The following TUBA1C variants were observed in gnomAD, a reference collection of about 807,000 sequenced individuals.
TUBA1C encodes tubulin alpha 1c.
In TUBA1C, 16 loss-of-function variants were observed where a neutral mutation model predicts 34.9. That is an observed-to-expected ratio of 0.46 (90% confidence interval 0.31 to 0.70). TUBA1C has a LOEUF of 0.70. Ranked by LOEUF, TUBA1C falls within the 30% of genes least tolerant of loss-of-function variation. The probability of loss-of-function intolerance (pLI) is 0.05; values close to 1 mark genes in which losing one functional copy is unlikely to be tolerated. For synonymous variants in TUBA1C, 177 were observed against 215.9 expected (o/e 0.82, Z 1.58); for missense variants, 329 against 587.3 (o/e 0.56, Z 4.55).
intron 1 of TUBA1C, among the ~76,000 whole-genome samples, chr12:49,267,691 A>G (rs1265549379): frequency 6.6e-6 from 1 of 152,168 alleles, no homozygotes; most frequent in Non-Finnish European, 1.5e-5. Flanking sequence ...ATTAGAACAA[A>G]CTACTCCTGT....
intron 1 of TUBA1C, chr12:49,257,843 T>TAA (rs748253214): frequency 8.0e-5 from 14 of 174,480 alleles, no homozygotes; most frequent in Middle Eastern, 2.6e-3. Flanking sequence ...ACAAAAAGTT[T>TAA]AAAAAAAAAA....
chr12:49,264,268 T>C (rs1449497797), upstream of TUBA1C, among the ~76,000 whole-genome samples: 1 of 149,282 alleles, frequency 6.7e-6, no homozygotes, highest in Non-Finnish European at 1.5e-5. Flanking sequence ...AATCAAAAAA[T>C]GTAAGCTATT....
chr12:49,244,957 G>GA (rs904011402), intron 1 of TUBA1C, among the ~76,000 whole-genome samples: 11 of 151,392 alleles, frequency 7.3e-5, no homozygotes, highest in African/African-American at 1.9e-4. Flanking sequence ...CTATTTAACA[G>GA]AAAAAAAACA....
intron 1 of TUBA1C, among the ~76,000 whole-genome samples, chr12:49,240,834 G>A (rs147163276): frequency 6.6e-4 from 101 of 152,194 alleles, no homozygotes; most frequent in African/African-American, 2.4e-3. Context: ...GGGTTCAAGC[G>A]GTTCTCCCAC....
rs1421550237 is a variant in TUBA1C, at chr12:49,274,577, TTTAA to T, written c.*1352_*1355del. On this transcript the variant is annotated 3_prime_UTR_variant, in exon 4 of 4. Transcript: ENST00000301072. ...ACTGCCAGAACTATTGCTGTCAGTC[TTTAA>T]TAAAGTATTAGTCACACGAGAAGGG... is the stretch of plus-strand genomic sequence containing the variant. 1 of 152,150 alleles carries T rather than the reference TTTAA, an allele frequency of 6.6e-6. No individual in the cohort carries two copies. The highest frequency in any genetic ancestry group is 1.9e-4 in the East Asian group (1 of 5,194). The allele number at this position is 152,150 out of a possible 1,614,324, so 9.4% of individuals were successfully genotyped here.
In TUBA1C at chr12:49,272,467, A is replaced by G. The variant is rs1227881548; in HGVS notation, c.590A>G (p.His197Arg). 1 of 1,610,816 alleles carries G rather than the reference A, an allele frequency of 6.2e-7. No individual in the cohort carries two copies. Among genetic ancestry groups the G allele is most frequent in the African/African-American group, 1.3e-5 (1 of 74,516 alleles). Residue 197 changes from histidine (H) to arginine (R), a missense_variant, in exon 4 of 4, where the codon CAC becomes CGC. Transcript: ENST00000301072. Reference sequence around the variant, plus strand: ...CTCACCACCCACACCACCCTGGAGCACTCTGATTGTGCCTTCATGGTAGAC... The same window carrying G: ...CTCACCACCCACACCACCCTGGAGCGCTCTGATTGTGCCTTCATGGTAGAC... ...SILTTHTTLE[H>R]SDCAFMVDNE...
intron 1 of TUBA1C, among the ~76,000 whole-genome samples, chr12:49,240,296 GAAAAAA>G (rs201018194): frequency 2.4e-5 from 2 of 81,968 alleles, no homozygotes; most frequent in South Asian, 8.0e-4. Context: ...ACCATTCTCT[GAAAAAA>G]AAAAAAAAAA....
chr12:49,230,319 CT>C (rs1344832544), intron 1 of TUBA1C, among the ~76,000 whole-genome samples: 1 of 152,070 alleles, frequency 6.6e-6, no homozygotes, highest in Non-Finnish European at 1.5e-5. Flanking sequence ...AGCTTTCTGG[CT>C]GGCTGGAGTG....
chr12:49,243,814 T>G (rs1191620008), intron 1 of TUBA1C, among the ~76,000 whole-genome samples: 1 of 151,946 alleles, frequency 6.6e-6, no homozygotes, highest in Non-Finnish European at 1.5e-5. Context: ...ATTTGGTGGT[T>G]TAGAACCTGG....
chr12:49,244,625 A>G (rs779385894), intron 1 of TUBA1C, among the ~76,000 whole-genome samples: 1 of 151,836 alleles, frequency 6.6e-6, no homozygotes, highest in Non-Finnish European at 1.5e-5. Flanking sequence ...GTTCAATGGC[A>G]TGATCCCAGA....
chr12:49,264,714 G>C (rs1942877019), upstream of TUBA1C: 1 of 158,226 alleles, frequency 6.3e-6, no homozygotes, highest in Non-Finnish European at 1.4e-5. Context: ...CGGGGACGGG[G>C]CAGACGTCCG....
intron 1 of TUBA1C, among the ~76,000 whole-genome samples, chr12:49,250,940 C>T (rs188418750): frequency 1.3e-5 from 2 of 152,294 alleles, no homozygotes; most frequent in Admixed American, 1.3e-4. Context: ...GGCATGGTGG[C>T]TCACACCTGT....
intron 1 of TUBA1C, among the ~76,000 whole-genome samples, chr12:49,251,454 G>A (rs60375170): frequency 0.023 from 3,466 of 151,974 alleles, 103 homozygotes; most frequent in Admixed American, 0.062. Context: ...TACAAAAGTC[G>A]TCTGCAAACC....
chr12:49,255,405 A>AATAT (rs142218984), intron 1 of TUBA1C, among the ~76,000 whole-genome samples: 2,652 of 141,258 alleles, frequency 0.019, 29 homozygotes, highest in East Asian at 0.049. Flanking sequence ...ATCTTTAAAA[A>AATAT]ATATATATAT....
intron 1 of TUBA1C, chr12:49,256,516 G>A: frequency 2.3e-6 from 1 of 437,546 alleles, no homozygotes; most frequent in South Asian, 1.6e-5. Context: ...TACAAGGTCA[G>A]TGGGGACTGA....
chr12:49,236,622 A>G (rs573491256), intron 1 of TUBA1C, among the ~76,000 whole-genome samples: 1 of 152,204 alleles, frequency 6.6e-6, no homozygotes, highest in Non-Finnish European at 1.5e-5. Flanking sequence ...GTGTCATTTA[A>G]TGACTGATAC....
chr12:49,272,279 C>A lies in TUBA1C; in HGVS notation c.402C>A (p.Gly134=). ...KLADQCTGLQ[G]FLVFHSFGGG... Reference sequence around the variant, plus strand: ...CTGACCAGTGCACCGGTCTTCAGGGCTTCTTGGTTTTCCACAGCTTTGGTG... The same window carrying A: ...CTGACCAGTGCACCGGTCTTCAGGGATTCTTGGTTTTCCACAGCTTTGGTG... Residue 134 remains glycine (G), a synonymous_variant, in exon 4 of 4, where the codon GGC becomes GGA. Coordinates refer to ENST00000301072, the MANE Select transcript of TUBA1C (RefSeq NM_032704.5). 1 of 1,613,024 alleles carries A rather than the reference C, an allele frequency of 6.2e-7. No individual in the cohort carries two copies. Among genetic ancestry groups the A allele is most frequent in the Non-Finnish European group, 8.5e-7 (1 of 1,179,426 alleles).
chr12:49,265,069 C>T (rs904608505), upstream of TUBA1C: 32 of 1,382,050 alleles, frequency 2.3e-5, no homozygotes, highest in Middle Eastern at 2.1e-4. Flanking sequence ...CCTTCGGGGC[C>T]GGCCACCCTT....
intron 1 of TUBA1C, among the ~76,000 whole-genome samples, chr12:49,257,049 G>A (rs1003451939): frequency 4.0e-5 from 6 of 151,708 alleles, no homozygotes; most frequent in South Asian, 2.1e-4. Context: ...GCATGGTGGT[G>A]GGCGCCTATA....
Sources: gnomAD v4.1 joint callset for allele counts (sites outside exome capture counted in the v4.1 genomes callset) on GRCh38, gnomAD v4.1.1 for gene constraint, MANE v1.5 for transcripts, NCBI Gene and HGNC (gene_info 2026-07-23, HGNC 2026-07-21) for gene names.